Variants in ABCG1 observed in about 807,000 individuals in gnomAD.
ABCG1 encodes ATP binding cassette subfamily G member 1.
ABCG1 carries 29 observed loss-of-function variants against 69.2 expected under a neutral mutation model. The ratio of observed to expected loss-of-function variants is 0.42; its 90% CI spans 0.31 to 0.57. The LOEUF (loss-of-function observed/expected upper bound fraction) is 0.57, where lower values mean the gene tolerates loss of function less well. ABCG1 is among the 20% of genes least tolerant of loss of function. The pLI, the probability that ABCG1 is intolerant of heterozygous loss-of-function variation, is 0.15. For missense variants in ABCG1, 718 were observed against 898.1 expected (o/e 0.80, Z 2.56); for synonymous variants, 370 against 374.8 (o/e 0.99, Z 0.15).
At position 42,225,716 on chromosome 21, in the gene ABCG1, T is replaced by A; in HGVS notation, c.88T>A (p.Cys30Ser). 1 of 1,613,866 alleles carries A rather than the reference T, an allele frequency of 6.2e-7. No individual in the cohort carries two copies. Among genetic ancestry groups the A allele is most frequent in the Non-Finnish European group, 8.5e-7 (1 of 1,179,890 alleles). ...AGAGATGACGGAGCCCAAGTCGGTGTGTGTCTCGGTGGATGAGGTGGTGTC... is the reference window on the plus strand; with the variant it reads ...AGAGATGACGGAGCCCAAGTCGGTGAGTGTCTCGGTGGATGAGGTGGTGTC... ...SAEMTEPKSV[C>S]VSVDEVVSSN... The change falls in exon 2 of 15, where the codon TGT becomes AGT. Residue 30 changes from cysteine (C) to serine (S), a missense_variant. By Grantham distance (112) the Cys-to-Ser change is moderately radical (BLOSUM62 -1). Coordinates refer to ENST00000398449, the MANE Select transcript of ABCG1 (RefSeq NM_016818.3).
chr21:42,219,196 C>T lies in ABCG1; in HGVS notation c.-67C>T, dbSNP rs1298808065. Reference sequence around the variant, plus strand: ...CGGCTGAGCCGGGAGCCAGCGCAGCCTCGGCCCCGCAGCTCAAGCCTCGTC... The same window carrying T: ...CGGCTGAGCCGGGAGCCAGCGCAGCTTCGGCCCCGCAGCTCAAGCCTCGTC... On this transcript the variant is annotated 5_prime_UTR_variant, in exon 1 of 15. Coordinates refer to ENST00000398449, the MANE Select transcript of ABCG1 (RefSeq NM_016818.3). The surrounding 1 kb of genome is among the most constrained non-coding windows in gnomAD (Gnocchi z 5.3). 52 of 1,351,562 alleles carry T rather than the reference C, an allele frequency of 3.8e-5. 1 individual carries two copies. The South Asian group carries it at 7.7e-4, about 20-fold the overall frequency. 83.7% of individuals were successfully genotyped at this position (1,351,562 alleles called of 1,614,324 possible).
intron 2 of ABCG1, among the ~76,000 whole-genome samples, chr21:42,244,362 A>G (rs1253381910): frequency 6.6e-6 from 1 of 152,090 alleles, no homozygotes; most frequent in Non-Finnish European, 1.5e-5. Context: ...GTATTTAGTA[A>G]CACTCGATCC....
At chr21:42,270,972 G>C (rs747367599) in intron 2 of ABCG1, 98 bp from the exon 3 acceptor site, 83 of 722,378 alleles carry the variant, frequency 1.1e-4, no homozygotes, top group Non-Finnish European at 1.8e-4. Flanking sequence ...CATGTCAAAG[G>C]TTGCCTTTGG....
At chr21:42,272,469 AGCT>A (rs1401653705) in intron 3 of ABCG1, among the ~76,000 whole-genome samples, 1 of 152,258 alleles carries the variant, frequency 6.6e-6, no homozygotes. Flanking sequence ...CATAGTAACA[AGCT>A]GAGTAAAGTT....
intron 2 of ABCG1, among the ~76,000 whole-genome samples, chr21:42,262,110 G>C (rs2068424596): frequency 6.6e-6 from 1 of 152,094 alleles, no homozygotes; most frequent in South Asian, 2.1e-4. Context: ...GTTCCCAAGG[G>C]GCTCAGATCC....
At chr21:42,259,496 T>C in intron 2 of ABCG1, 1 of 1,547,534 alleles carries the variant, frequency 6.5e-7, no homozygotes, top group South Asian at 1.2e-5. Flanking sequence ...CATCCAACCG[T>C]CCACTCAAGG....
At chr21:42,272,164 G>T (rs900817236) in intron 3 of ABCG1, among the ~76,000 whole-genome samples, 1 of 152,198 alleles carries the variant, frequency 6.6e-6, no homozygotes, top group Non-Finnish European at 1.5e-5. Flanking sequence ...AGAAATTGGG[G>T]TTTGAAAAAA....
At position 42,284,520 on chromosome 21, in the gene ABCG1, T is replaced by G. The variant is rs367859476; in HGVS notation, c.735-40T>G. On this transcript the variant is annotated intron_variant, in intron 6 of 14. Coordinates refer to ENST00000398449, the MANE Select transcript of ABCG1 (RefSeq NM_016818.3). ...GGAACCTGGGGCAGTGGCTAGTTCC[T>G]GCCGCCCGCAGGCGTCTCACGGTGC... The G allele has an allele frequency of 6.7e-4, 1,081 of 1,605,592 alleles. 4 individuals carry two copies. The African/African-American group carries it at 0.013, about 19-fold the overall frequency.
chr21:42,273,563 G>A lies in ABCG1; in HGVS notation c.537+128G>A. The stretch of plus-strand genomic sequence containing the variant: ...GGCTCTGCCACGCGGCCTGCACAGG[G>A]CCAGCAACCTCCCTCTAGCGGAGTT... On this transcript the variant is annotated intron_variant, in intron 4 of 14. Coordinates refer to ENST00000398449, the MANE Select transcript of ABCG1 (RefSeq NM_016818.3). The surrounding 1 kb of genome is among the most constrained non-coding windows in gnomAD (Gnocchi z 5.3). The A allele has an allele frequency of 2.1e-5, 23 of 1,071,788 alleles. No individual in the cohort carries two copies. The highest frequency in any genetic ancestry group is 3.0e-5 in the Non-Finnish European group (23 of 763,038). The allele number at this position is 1,071,788 out of a possible 1,614,324, so 66.4% of individuals were successfully genotyped here. A position where few individuals can be genotyped will look rare whatever the true frequency, so the allele number is the denominator to read the frequency against.
chr21:42,279,195 C>T (rs1209714061), intron 5 of ABCG1, among the ~76,000 whole-genome samples: 2 of 152,010 alleles, frequency 1.3e-5, no homozygotes, highest in East Asian at 3.9e-4. Flanking sequence ...GTGGGGGCTC[C>T]AAGGAGAGAC....
In ABCG1 at chr21:42,276,854, C is replaced by A. The variant is rs776802807; in HGVS notation, c.538-41C>A. Reference sequence around the variant, plus strand: ...GCATGAGGCTCACACTGCCAGTGGCCGTCTGTTCTGCTTCCACACTGTTGT... The same window carrying A: ...GCATGAGGCTCACACTGCCAGTGGCAGTCTGTTCTGCTTCCACACTGTTGT... On this transcript the variant is annotated intron_variant, in intron 4 of 14. Coordinates refer to ENST00000398449, the MANE Select transcript of ABCG1 (RefSeq NM_016818.3). The surrounding 1 kb of genome is among the most constrained non-coding windows in gnomAD (Gnocchi z 5.3). The A allele has an allele frequency of 1.2e-6, 2 of 1,609,856 alleles. No homozygotes were observed. Among genetic ancestry groups the A allele is most frequent in the Non-Finnish European group, 1.7e-6 (2 of 1,176,574 alleles).
intron 2 of ABCG1, among the ~76,000 whole-genome samples, chr21:42,244,054 C>T (rs1485860829): frequency 6.6e-6 from 1 of 152,108 alleles, no homozygotes; most frequent in Non-Finnish European, 1.5e-5. Context: ...CTCCTGACCT[C>T]GTGATCCGCC....
chr21:42,251,691 G>A (rs1185079376), intron 2 of ABCG1, among the ~76,000 whole-genome samples: 1 of 152,124 alleles, frequency 6.6e-6, no homozygotes, highest in African/African-American at 2.4e-5. Flanking sequence ...TGGAAAGAAG[G>A]CCTTGAACCC....
At chr21:42,245,871 G>A (rs1428288405) in intron 2 of ABCG1, among the ~76,000 whole-genome samples, 1 of 152,144 alleles carries the variant, frequency 6.6e-6, no homozygotes, top group Non-Finnish European at 1.5e-5. Context: ...CCAGGCAGCA[G>A]ACTCTGATGA....
chr21:42,233,850 A>T (rs1376190565), intron 2 of ABCG1, among the ~76,000 whole-genome samples: 1 of 152,236 alleles, frequency 6.6e-6, no homozygotes, highest in African/African-American at 2.4e-5. Flanking sequence ...GCAGAACCTG[A>T]GTCACGTTCT....
At chr21:42,217,735 C>T (rs563006219), upstream of ABCG1, among the ~76,000 whole-genome samples, 118 of 140,190 alleles carry the variant, frequency 8.4e-4, 1 homozygote, top group Non-Finnish European at 1.4e-3. Flanking sequence ...TCTGTCACCC[C>T]GGCTGGAGTG....
In ABCG1 at chr21:42,219,810, C is replaced by G; in HGVS notation, c.42+506C>G. On this transcript the variant is annotated intron_variant, in intron 1 of 14. Coordinates refer to ENST00000398449, the MANE Select transcript of ABCG1 (RefSeq NM_016818.3). This position sits in a 1 kb window ranked among gnomAD's most constrained non-coding sequence, Gnocchi z 5.3. ...GGGGAACAAAAGAGGAAGCTGCCCC[C>G]AGAGAGCCGGAGCCTGCGACTGCAC... 2 of 1,437,860 alleles carry G rather than the reference C, an allele frequency of 1.4e-6. No homozygotes were observed. The highest frequency in any genetic ancestry group is 1.8e-6 in the Non-Finnish European group (2 of 1,099,704). 89.1% of individuals were successfully genotyped at this position (1,437,860 alleles called of 1,614,324 possible).
intron 2 of ABCG1, among the ~76,000 whole-genome samples, chr21:42,226,351 G>A (rs1039298043): frequency 6.6e-6 from 1 of 152,176 alleles, no homozygotes; most frequent in Admixed American, 6.5e-5. Flanking sequence ...GACCTAGACT[G>A]ACCTCTCCAG....
chr21:42,225,838 T>C lies in ABCG1; in HGVS notation c.210T>C (p.Pro70=). The C allele has an allele frequency of 6.2e-7, 1 of 1,614,066 alleles. No homozygotes were observed. The highest frequency in any genetic ancestry group is 8.5e-7 in the Non-Finnish European group (1 of 1,179,990). Residue 70 remains proline, a synonymous_variant, in exon 2 of 15, where the codon CCT becomes CCC. Coordinates refer to ENST00000398449, the MANE Select transcript of ABCG1 (RefSeq NM_016818.3). ...AAGCCCAGCGCTTCTCCTCCTTGCC[T>C]CGGAGGGCAGCTGTGAACATTGAAT... The part of the protein sequence containing the change: ...LTEAQRFSSL[P]RRAAVNIEFR...
Sources: gnomAD v4.1 joint callset for allele counts (sites outside exome capture counted in the v4.1 genomes callset) on GRCh38, gnomAD v4.1.1 for gene constraint, Gnocchi (gnomAD v3.1) non-coding constraint, MANE v1.5 for transcripts, NCBI Gene and HGNC (gene_info 2026-07-23, HGNC 2026-07-21) for gene names.